Variants in LRRC1 observed in about 807,000 individuals in gnomAD.
The protein encoded by LRRC1 is leucine rich repeat containing 1, also known as leucine-rich repeat-containing protein 1.
LRRC1 carries 28 observed loss-of-function variants against 69.9 expected under a neutral mutation model. The ratio of observed to expected loss-of-function variants is 0.40; its 90% confidence interval spans 0.30 to 0.55. LRRC1 has a LOEUF of 0.55. Among genes scored for constraint, LRRC1 ranks in the 20% least tolerant of loss-of-function variants. The probability of loss-of-function intolerance (pLI) is 0.47; values close to 1 mark genes in which losing one functional copy is unlikely to be tolerated. For missense variants in LRRC1, 498 were observed against 609.0 expected (o/e 0.82, Z 1.92); for synonymous variants, 236 against 240.2 (o/e 0.98, Z 0.16).
chr6:53,835,096 T>C (rs1301025642), intron 1 of LRRC1, among the ~76,000 whole-genome samples: 1 of 151,954 alleles, frequency 6.6e-6, no homozygotes, highest in Non-Finnish European at 1.5e-5. Context: ...TATTAAGATA[T>C]AATTCACATA....
At chr6:53,885,775 T>G (rs2127432346) in intron 4 of LRRC1, among the ~76,000 whole-genome samples, 1 of 152,318 alleles carries the variant, frequency 6.6e-6, no homozygotes, top group East Asian at 1.9e-4. Flanking sequence ...TTGCAATGCC[T>G]TGAACCTGGG....
At chr6:53,859,870 C>G (rs1287886188) in intron 2 of LRRC1, among the ~76,000 whole-genome samples, 1 of 152,200 alleles carries the variant, frequency 6.6e-6, no homozygotes, top group Non-Finnish European at 1.5e-5. Flanking sequence ...CGAGGGAACA[C>G]TGTCTGTCTG....
In LRRC1 at chr6:53,923,995, G is replaced by A. The variant is rs1768813136; in HGVS notation, c.*1202G>A. ...GGGATATTGGGAAAAGTTTTGGTGT[G>A]TTTCTGTTGATTTCTTTTTTGTATG... On this transcript the variant is annotated 3_prime_UTR_variant, in exon 14 of 14. Transcript: ENST00000370888. The A allele has an allele frequency of 6.6e-6, 1 of 152,596 alleles. No homozygotes were observed. The highest frequency in any genetic ancestry group is 1.9e-4 in the East Asian group (1 of 5,200). The allele number at this position is 152,596 out of a possible 1,614,324, so 9.5% of individuals were successfully genotyped here. A position where few individuals can be genotyped will look rare whatever the true frequency, so the allele number is the denominator to read the frequency against.
At chr6:53,839,820 C>G (rs1244693626) in intron 1 of LRRC1, among the ~76,000 whole-genome samples, 1 of 152,132 alleles carries the variant, frequency 6.6e-6, no homozygotes, top group Non-Finnish European at 1.5e-5. Flanking sequence ...ATTAATAACC[C>G]TCTTTCCTTT....
intron 10 of LRRC1, chr6:53,905,146 G>A (rs1047468147): frequency 6.6e-6 from 1 of 152,116 alleles, no homozygotes; most frequent in African/African-American, 2.4e-5. Context: ...GGTCAAACAA[G>A]GAGGTGTCTA....
At position 53,917,665 on chromosome 6, in the gene LRRC1, G is replaced by A. The variant is rs117073225; in HGVS notation, c.1107-1833G>A. Among the ~76,000 whole-genome samples, 301 of 152,284 alleles carry A rather than the reference G, an allele frequency of 2.0e-3. 4 individuals carry two copies. The East Asian group carries it at 0.041, about 21-fold the overall frequency. ...TTGATTTTCTTCTTTCTGTTCTCATGAGTAAGACAGGTAGAGATGTTGACT... is the reference window on the plus strand; with the variant it reads ...TTGATTTTCTTCTTTCTGTTCTCATAAGTAAGACAGGTAGAGATGTTGACT... On this transcript the variant is annotated intron_variant, in intron 11 of 13. Coordinates refer to ENST00000370888, the MANE Select transcript of LRRC1 (RefSeq NM_018214.5).
intron 4 of LRRC1, among the ~76,000 whole-genome samples, chr6:53,889,406 T>C (rs968402058): frequency 2.6e-5 from 4 of 152,194 alleles, no homozygotes; most frequent in African/African-American, 7.2e-5. Flanking sequence ...ATTGGCATTA[T>C]TTATAATAAA....
At chr6:53,807,300 A>G (rs140037072) in intron 1 of LRRC1, among the ~76,000 whole-genome samples, 1 of 152,156 alleles carries the variant, frequency 6.6e-6, no homozygotes, top group Non-Finnish European at 1.5e-5. Flanking sequence ...TTCACTCCAC[A>G]TGCTTATTGT....
At chr6:53,889,313 A>T (rs1344030992) in intron 4 of LRRC1, among the ~76,000 whole-genome samples, 1 of 152,118 alleles carries the variant, frequency 6.6e-6, no homozygotes. Context: ...CCTCCTTAAA[A>T]TTGAACATAG....
intron 2 of LRRC1, among the ~76,000 whole-genome samples, chr6:53,843,949 A>G (rs1180293653): frequency 3.3e-5 from 5 of 152,184 alleles, no homozygotes; most frequent in Admixed American, 3.3e-4. Context: ...TTTTTATGCC[A>G]ATCATAAGAC....
At chr6:53,919,234 T>C (rs1377454144) in intron 11 of LRRC1, 7 of 160,100 alleles carry the variant, frequency 4.4e-5, no homozygotes, top group Admixed American at 6.8e-5. Flanking sequence ...TCTCTCTTTT[T>C]TTTTTTTTTT....
At chr6:53,875,183 T>C (rs1473095843) in intron 2 of LRRC1, among the ~76,000 whole-genome samples, 1 of 152,168 alleles carries the variant, frequency 6.6e-6, no homozygotes, top group African/African-American at 2.4e-5. Flanking sequence ...TAATTCTACT[T>C]CTGGGAACAT....
chr6:53,841,539 CA>C (rs1765790910), intron 1 of LRRC1, among the ~76,000 whole-genome samples: 1 of 151,962 alleles, frequency 6.6e-6, no homozygotes, highest in African/African-American at 2.4e-5. Flanking sequence ...CATTTTAATA[CA>C]GTTTTTAAAA....
intron 12 of LRRC1, among the ~76,000 whole-genome samples, chr6:53,920,199 C>T (rs1449384208): frequency 6.6e-6 from 1 of 152,126 alleles, no homozygotes; most frequent in South Asian, 2.1e-4. Context: ...CTTTAAGACC[C>T]TAGAGAAAAA....
chr6:53,820,504 C>G (rs528425858), intron 1 of LRRC1, among the ~76,000 whole-genome samples: 2 of 150,720 alleles, frequency 1.3e-5, no homozygotes, highest in Non-Finnish European at 2.9e-5. Context: ...CTGCATCATA[C>G]TCTCCGACAA....
intron 1 of LRRC1, among the ~76,000 whole-genome samples, chr6:53,837,408 AGGT>A (rs1428053162): frequency 1.3e-5 from 2 of 152,140 alleles, no homozygotes; most frequent in East Asian, 3.9e-4. Context: ...AAGGCAGTCT[AGGT>A]TGATGGGGAC....
chr6:53,814,331 C>T (rs1244891109), intron 1 of LRRC1, among the ~76,000 whole-genome samples: 1 of 152,150 alleles, frequency 6.6e-6, no homozygotes, highest in Non-Finnish European at 1.5e-5. Context: ...GCATATTTTG[C>T]CCTTAAATTA....
At chr6:53,804,893 A>G (rs553449029) in intron 1 of LRRC1, among the ~76,000 whole-genome samples, 1 of 152,350 alleles carries the variant, frequency 6.6e-6, no homozygotes, top group Non-Finnish European at 1.5e-5. Flanking sequence ...TTGCACCTAA[A>G]AAGCTAAAGT....
At chr6:53,922,558 C>T in intron 13 of LRRC1, 77 bp from the exon 14 acceptor site, 1 of 1,295,316 alleles carries the variant, frequency 7.7e-7, no homozygotes, top group South Asian at 1.5e-5. Context: ...TATTGGAATG[C>T]TAATGCCTTG....
Sources: gnomAD v4.1 joint callset for allele counts (sites outside exome capture counted in the v4.1 genomes callset) on GRCh38, gnomAD v4.1.1 for gene constraint, MANE v1.5 for transcripts, NCBI Gene and HGNC (gene_info 2026-07-23, HGNC 2026-07-21) for gene names.